Variants in DNAH7 observed in about 807,000 individuals in gnomAD.
The protein encoded by DNAH7 is axonemal beta dynein heavy chain 7.
DNAH7 carries 397 observed loss-of-function variants against 444.6 expected under a neutral mutation model. The observed-to-expected ratio is 0.89, with a 90% CI of 0.82 to 0.97. The LOEUF is 0.97. Among genes scored for constraint, DNAH7 ranks in the 50% least tolerant of loss-of-function variants. DNAH7 has a pLI of 0.00. For missense variants in DNAH7, 4,902 were observed against 4,800.8 expected, an observed-to-expected ratio of 1.02 and a Z score of -0.62; for synonymous variants, 1,636 against 1,624.4, an observed-to-expected ratio of 1.01 and a Z score of -0.17.
chr2:195,773,617 C>T (rs1694940962), intron 60 of DNAH7, among the ~76,000 whole-genome samples: 1 of 152,054 alleles, frequency 6.6e-6, no homozygotes, highest in African/African-American at 2.4e-5. Context: ...AATTATTTAT[C>T]TTAGCTTTTT....
intron 19 of DNAH7, among the ~76,000 whole-genome samples, chr2:195,951,663 T>C (rs1198708722): frequency 6.6e-6 from 1 of 152,196 alleles, no homozygotes; most frequent in East Asian, 1.9e-4. Context: ...GCTCTTCTTG[T>C]TGTATTGATC....
chr2:195,821,534 G>A lies in DNAH7; in HGVS notation c.9291+2721C>T, dbSNP rs550310422. Among the ~76,000 whole-genome samples the A allele has an allele frequency of 7.2e-5, 11 of 152,260 alleles. No individual in the cohort carries two copies. The South Asian group carries it at 8.3e-4, about 11-fold the overall frequency. ...GTCCTGGGTGGCAGGGAGACAAGTCGGTGGATCCCTGTGCCATTACCCACA... is the reference window on the plus strand; with the variant it reads ...GTCCTGGGTGGCAGGGAGACAAGTCAGTGGATCCCTGTGCCATTACCCACA... On this transcript the variant is annotated intron_variant, in intron 49 of 64. Transcript: ENST00000312428.
chr2:196,030,384 T>C (rs1695975816), intron 5 of DNAH7, among the ~76,000 whole-genome samples: 1 of 152,164 alleles, frequency 6.6e-6, no homozygotes, highest in East Asian at 1.9e-4. Flanking sequence ...AAGATGCAGT[T>C]TAGGTGGAGG....
chr2:196,052,238 C>T (rs539940895), intron 2 of DNAH7, among the ~76,000 whole-genome samples: 38 of 152,218 alleles, frequency 2.5e-4, no homozygotes, highest in African/African-American at 9.1e-4. Context: ...GGGGAAGGGA[C>T]GGCTCTTCCA....
At chr2:195,925,376 T>G (rs954848608) in intron 22 of DNAH7, among the ~76,000 whole-genome samples, 1 of 152,118 alleles carries the variant, frequency 6.6e-6, no homozygotes, top group South Asian at 2.1e-4. Context: ...AGCTTAAAAG[T>G]AGAAAGACAA....
At chr2:195,944,352 A>G (rs1380615891) in intron 19 of DNAH7, among the ~76,000 whole-genome samples, 1 of 152,172 alleles carries the variant, frequency 6.6e-6, no homozygotes, top group Admixed American at 6.6e-5. Flanking sequence ...TCAATAAAAC[A>G]AGTAAACAGA....
intron 8 of DNAH7, among the ~76,000 whole-genome samples, chr2:196,020,216 G>A (rs1345064217): frequency 6.6e-6 from 1 of 152,008 alleles, no homozygotes; most frequent in African/African-American, 2.4e-5. Context: ...GGTTTCCAGT[G>A]AACAGTAGGG....
chr2:195,812,309 CTCTT>C (rs1166598221), intron 51 of DNAH7, among the ~76,000 whole-genome samples: 16 of 152,152 alleles, frequency 1.1e-4, no homozygotes, highest in Admixed American at 1.0e-3. Flanking sequence ...ATCAGTTAAA[CTCTT>C]TCTTTATCAC....
intron 64 of DNAH7, among the ~76,000 whole-genome samples, 169 bp downstream of exon 64, chr2:195,740,585 ATGTGTGTGTGTG>A (rs71015727): frequency 0.031 from 4,078 of 132,336 alleles, 104 homozygotes; most frequent in African/African-American, 0.042. Context: ...TTGACTGTAT[ATGTGTGTGTGTG>A]TGTGTGTGTG....
chr2:195,933,352 G>T (rs200343307), intron 21 of DNAH7, among the ~76,000 whole-genome samples: 1 of 152,116 alleles, frequency 6.6e-6, no homozygotes, highest in Non-Finnish European at 1.5e-5. Context: ...GATTCCTCAG[G>T]GATCTAGAAC....
chr2:195,776,503 T>A (rs900142692), intron 59 of DNAH7, among the ~76,000 whole-genome samples: 1 of 152,062 alleles, frequency 6.6e-6, no homozygotes, highest in African/African-American at 2.4e-5. Context: ...AAAATGTACC[T>A]TTCAATTGGA....
intron 24 of DNAH7, among the ~76,000 whole-genome samples, chr2:195,920,623 C>T (rs1360338022): frequency 5.3e-5 from 8 of 152,068 alleles, no homozygotes; most frequent in Admixed American, 4.6e-4. Flanking sequence ...ATTCTATAAG[C>T]TAACATTGGA....
intron 48 of DNAH7, among the ~76,000 whole-genome samples, chr2:195,831,437 A>G (rs1049111133): frequency 3.3e-5 from 5 of 152,252 alleles, no homozygotes; most frequent in African/African-American, 1.2e-4. Flanking sequence ...GAGGGACAAT[A>G]GATCAAAAGC....
intron 58 of DNAH7, among the ~76,000 whole-genome samples, chr2:195,780,810 C>G (rs1432981456): frequency 1.3e-5 from 2 of 151,948 alleles, no homozygotes; most frequent in Admixed American, 1.3e-4. Flanking sequence ...ATAGTAATCT[C>G]TTGAGAATTT....
At chr2:196,022,969 G>A (rs983030983) in intron 8 of DNAH7, among the ~76,000 whole-genome samples, 2 of 152,158 alleles carry the variant, frequency 1.3e-5, no homozygotes, top group African/African-American at 4.8e-5. Flanking sequence ...GCTGAGGTTT[G>A]GGGAACAGTT....
intron 30 of DNAH7, 58 bp from the exon 31 acceptor site, chr2:195,891,862 AACATTATTGCACATAC>A (rs1432979742): frequency 1.1e-5 from 15 of 1,352,320 alleles, no homozygotes; most frequent in Middle Eastern, 3.7e-4. Flanking sequence ...ATTCATAGAA[AACATTATTGCACATAC>A]AGAAAATCCT....
intron 51 of DNAH7, among the ~76,000 whole-genome samples, chr2:195,810,746 C>CA (rs1188503067): frequency 4.0e-5 from 6 of 150,682 alleles, no homozygotes; most frequent in South Asian, 2.1e-4. Context: ...TTGGGAACTT[C>CA]AAAAAAAAGG....
At chr2:195,773,776 T>C (rs1343636220) in intron 60 of DNAH7, among the ~76,000 whole-genome samples, 2 of 152,252 alleles carry the variant, frequency 1.3e-5, no homozygotes, top group Non-Finnish European at 2.9e-5. Context: ...TCTAGTTTTA[T>C]AATATTCTAA....
At chr2:195,984,490 G>T in intron 15 of DNAH7, 142 bp downstream of exon 15, 2 of 770,330 alleles carry the variant, frequency 2.6e-6, no homozygotes, top group Non-Finnish European at 4.1e-6. Flanking sequence ...TGGGACTACA[G>T]GCGCATGCCA....
Sources: gnomAD v4.1 joint callset for allele counts (sites outside exome capture counted in the v4.1 genomes callset) on GRCh38, gnomAD v4.1.1 for gene constraint, MANE v1.5 for transcripts, NCBI Gene and HGNC (gene_info 2026-07-23, HGNC 2026-07-21) for gene names.